ZCCHC24: variants seen among roughly 807,000 people sequenced by gnomAD.
ZCCHC24 encodes the protein zinc finger CCHC domain-containing protein 24.
ZCCHC24 carries 10 observed loss-of-function variants against 26.2 expected under a neutral mutation model. That is an observed-to-expected ratio of 0.38 (90% confidence interval 0.24 to 0.65). The LOEUF is 0.65. Among genes scored for constraint, ZCCHC24 ranks in the 30% least tolerant of loss-of-function variants. The probability of loss-of-function intolerance (pLI) is 0.54; values close to 1 mark genes in which losing one functional copy is unlikely to be tolerated. For missense variants in ZCCHC24, 243 were observed against 329.1 expected, an observed-to-expected ratio of 0.74 and a Z score of 2.03; for synonymous variants, 144 against 147.1, an observed-to-expected ratio of 0.98 and a Z score of 0.15.
intron 1 of ZCCHC24, among the ~76,000 whole-genome samples, chr10:79,443,896 T>C (rs1250439439): frequency 1.3e-5 from 2 of 152,334 alleles, no homozygotes; most frequent in Non-Finnish European, 2.9e-5. Flanking sequence ...CTCCCACGCC[T>C]GTTCTACCCA....
chr10:79,395,251 C>A (rs1856530467), intron 2 of ZCCHC24, among the ~76,000 whole-genome samples: 1 of 152,082 alleles, frequency 6.6e-6, no homozygotes, highest in Non-Finnish European at 1.5e-5. Flanking sequence ...AGAGTTTTCC[C>A]TACATAACTA....
chr10:79,410,468 T>C (rs1856774817), intron 2 of ZCCHC24, among the ~76,000 whole-genome samples: 1 of 152,168 alleles, frequency 6.6e-6, no homozygotes, highest in African/African-American at 2.4e-5. Context: ...CAGAGCCCCA[T>C]GTTCTGGGAG....
chr10:79,395,490 C>T (rs1856534162), intron 2 of ZCCHC24, among the ~76,000 whole-genome samples: 1 of 152,214 alleles, frequency 6.6e-6, no homozygotes. Flanking sequence ...ATGAGCACCA[C>T]TAATTTTTAA....
At chr10:79,387,805 A>C (rs1374874550) in intron 3 of ZCCHC24, among the ~76,000 whole-genome samples, 1 of 152,224 alleles carries the variant, frequency 6.6e-6, no homozygotes, top group Non-Finnish European at 1.5e-5. Context: ...GGAATGGAAG[A>C]GTCAGAAGGT....
intron 2 of ZCCHC24, among the ~76,000 whole-genome samples, chr10:79,424,366 C>T (rs886602462): frequency 1.3e-5 from 2 of 152,352 alleles, no homozygotes; most frequent in African/African-American, 2.4e-5. Flanking sequence ...TGTTTATGCA[C>T]GTGTATTTGT....
intron 1 of ZCCHC24, among the ~76,000 whole-genome samples, chr10:79,442,465 C>A (rs949909824): frequency 6.6e-6 from 1 of 152,234 alleles, no homozygotes; most frequent in Non-Finnish European, 1.5e-5. Context: ...CCTCACCCCC[C>A]CTCAAATCCC....
rs139878004 is a variant in ZCCHC24, at chr10:79,393,924, C to T, written c.612+352G>A. 2.0e-3 allele frequency among the ~76,000 whole-genome samples: 298 copies of T among 152,364 alleles called. 4 individuals carry two copies. Among genetic ancestry groups the T allele is most frequent in the African/African-American group, 6.9e-3 (286 of 41,582 alleles). ...GGAGGAGCTGGCCCTACCCCTCCCA[C>T]ATGCCCGGGCCTGGTGCACACAGCC... On this transcript the variant is annotated intron_variant, in intron 3 of 3. Coordinates refer to ENST00000372336, the MANE Select transcript of ZCCHC24 (RefSeq NM_153367.4).
At chr10:79,410,855 G>T (rs2132194493) in intron 2 of ZCCHC24, among the ~76,000 whole-genome samples, 1 of 152,188 alleles carries the variant, frequency 6.6e-6, no homozygotes, top group South Asian at 2.1e-4. Flanking sequence ...ATGGCAGGAG[G>T]TTGAGTCAGC....
At chr10:79,419,583 CA>C (rs1856911936) in intron 2 of ZCCHC24, among the ~76,000 whole-genome samples, 1 of 152,124 alleles carries the variant, frequency 6.6e-6, no homozygotes, top group Non-Finnish European at 1.5e-5. Flanking sequence ...AGGGGCAGGC[CA>C]AGGGCCTGGC....
chr10:79,423,580 A>AAT (rs1564638246), intron 2 of ZCCHC24, among the ~76,000 whole-genome samples: 2 of 28,358 alleles, frequency 7.1e-5, no homozygotes, highest in African/African-American at 3.2e-4. Context: ...AAATATATAT[A>AAT]CTATATATAT....
At chr10:79,408,346 C>A (rs1444300800) in intron 2 of ZCCHC24, among the ~76,000 whole-genome samples, 1 of 152,188 alleles carries the variant, frequency 6.6e-6, no homozygotes, top group African/African-American at 2.4e-5. Flanking sequence ...CAGCTGCTTA[C>A]TATATACTGG....
chr10:79,426,988 AAGAT>A (rs140597164), intron 2 of ZCCHC24, among the ~76,000 whole-genome samples: 28,072 of 151,986 alleles, frequency 0.18, 2,543 homozygotes, highest in Non-Finnish European at 0.19. Context: ...TTGGAAATAA[AAGAT>A]AGGAAAATAT....
intron 1 of ZCCHC24, among the ~76,000 whole-genome samples, chr10:79,437,500 A>G (rs905321316): frequency 7.2e-5 from 11 of 152,212 alleles, no homozygotes; most frequent in Admixed American, 1.3e-4. Flanking sequence ...AGAGAGGCTG[A>G]GCGATTTGCC....
chr10:79,394,493 G>T, intron 2 of ZCCHC24, 53 bp from the exon 3 acceptor site: 1 of 1,586,664 alleles, frequency 6.3e-7, no homozygotes, highest in Non-Finnish European at 8.6e-7. Flanking sequence ...CCAAGATGAT[G>T]CCCCACAGGG....
At chr10:79,394,645 C>G (rs1332451161) in intron 2 of ZCCHC24, 1 of 985,218 alleles carries the variant, frequency 1.0e-6, no homozygotes, top group African/African-American at 1.7e-5. Flanking sequence ...GAACAGAAAA[C>G]AGAGGAGATG....
At chr10:79,412,503 G>C (rs1856806713) in intron 2 of ZCCHC24, among the ~76,000 whole-genome samples, 1 of 152,258 alleles carries the variant, frequency 6.6e-6, no homozygotes, top group African/African-American at 2.4e-5. Flanking sequence ...GCCACAGGCA[G>C]CTCCAGATTT....
At chr10:79,395,219 T>A (rs1402165189) in intron 2 of ZCCHC24, among the ~76,000 whole-genome samples, 5 of 151,874 alleles carry the variant, frequency 3.3e-5, no homozygotes, top group African/African-American at 1.2e-4. Flanking sequence ...CTACTGTTTT[T>A]TTTTACTGAA....
At chr10:79,422,518 C>T (rs947635587) in intron 2 of ZCCHC24, among the ~76,000 whole-genome samples, 1 of 152,238 alleles carries the variant, frequency 6.6e-6, no homozygotes, top group Non-Finnish European at 1.5e-5. Flanking sequence ...TTGTCTCCTG[C>T]CCTTTCCCCA....
chr10:79,440,327 C>T (rs1396174968), intron 1 of ZCCHC24, among the ~76,000 whole-genome samples: 1 of 152,176 alleles, frequency 6.6e-6, no homozygotes, highest in Non-Finnish European at 1.5e-5. Context: ...AGCAGGCCAG[C>T]CCTGGACTCA....
Sources: gnomAD v4.1 joint callset for allele counts (sites outside exome capture counted in the v4.1 genomes callset) on GRCh38, gnomAD v4.1.1 for gene constraint, MANE v1.5 for transcripts, NCBI Gene and HGNC (gene_info 2026-07-23, HGNC 2026-07-21) for gene names.